NEK5: variants seen among roughly 807,000 people sequenced by gnomAD.
The protein encoded by NEK5 is serine/threonine-protein kinase Nek5.
In NEK5, 88 loss-of-function variants were observed where a neutral mutation model predicts 109.2. The ratio of observed to expected loss-of-function variants is 0.81; its 90% confidence interval spans 0.68 to 0.96. The LOEUF is 0.96. NEK5 is among the 40% of genes least tolerant of loss of function. The pLI, the probability that NEK5 is intolerant of heterozygous loss-of-function variation, is 0.00. For synonymous variants in NEK5, 283 were observed against 299.9 expected, an observed-to-expected ratio of 0.94 and a Z score of 0.58; for missense variants, 834 against 920.7, an observed-to-expected ratio of 0.91 and a Z score of 1.22.
chr13:52,085,468 T>C (rs1208867096), intron 16 of NEK5, among the ~76,000 whole-genome samples: 1 of 152,190 alleles, frequency 6.6e-6, no homozygotes, highest in East Asian at 1.9e-4. Context: ...ATTTGACTTA[T>C]ATGAATTTAT....
rs1212888348 is a variant in NEK5 at position 52,119,319 on chromosome 13, C to T, written c.214G>A (p.Glu72Lys). ...NIVAFFNSFQ[E>K]NGRLFIVMEY... ...CTTAACGAATATTAGAAAATCAAAC[C>T]TTGAAATGAATTGAAGAAGGCTACA... The change falls in exon 4 of 24, where the codon GAG becomes AAG. Residue 72 changes from glutamate (E) to lysine (K), a missense_variant and splice_region_variant. By Grantham distance (56) the Glu-to-Lys change is moderately conservative (BLOSUM62 1). Transcript: ENST00000684899. 12 of 1,543,170 alleles carry T rather than the reference C, an allele frequency of 7.8e-6. No individual in the cohort carries two copies. Among genetic ancestry groups the T allele is most frequent in the Middle Eastern group, 1.7e-4 (1 of 5,854 alleles).
intron 22 of NEK5, among the ~76,000 whole-genome samples, chr13:52,055,342 T>C (rs1202186952): frequency 9.2e-5 from 14 of 152,088 alleles, no homozygotes; most frequent in East Asian, 3.9e-4. Flanking sequence ...CTGAAAGTGA[T>C]GGGGAGAATG....
At chr13:52,069,865 C>G (rs376112981) in intron 20 of NEK5, among the ~76,000 whole-genome samples, 1 of 152,122 alleles carries the variant, frequency 6.6e-6, no homozygotes, top group South Asian at 2.1e-4. Context: ...TGGAGGAGTG[C>G]GGACCTCCCT....
intron 17 of NEK5, 33 bp from the exon 18 acceptor site, chr13:52,076,176 CTGTA>C (rs1245953509): frequency 2.5e-6 from 3 of 1,207,558 alleles, no homozygotes; most frequent in Non-Finnish European, 3.6e-6. Flanking sequence ...AATTCTCTCA[CTGTA>C]TGTTTACATG....
intron 21 of NEK5, among the ~76,000 whole-genome samples, chr13:52,063,722 G>A (rs1487670919): frequency 7.5e-5 from 10 of 132,606 alleles, no homozygotes; most frequent in East Asian, 2.1e-4. Flanking sequence ...CTGCCCGGCC[G>A]CGACCCCGTC....
intron 4 of NEK5, among the ~76,000 whole-genome samples, chr13:52,117,996 A>G (rs565598310): frequency 6.6e-6 from 1 of 152,316 alleles, no homozygotes; most frequent in Admixed American, 6.5e-5. Context: ...ATGCAACCCA[A>G]TTCCAGACCA....
At chr13:52,127,701 T>TA in intron 1 of NEK5, 39 bp from the exon 2 acceptor site, 1 of 476,446 alleles carries the variant, frequency 2.1e-6, no homozygotes. Flanking sequence ...ACACGGGTCA[T>TA]AGCTCAGCTT....
rs536534186 is a variant in NEK5 at position 52,045,200 on chromosome 13, G to GCTCACTGCAAGCTCTGCCTCCC, written c.2228+4882_2228+4903dup. Among the ~76,000 whole-genome samples the GCTCACTGCAAGCTCTGCCTCCC allele has an allele frequency of 8.2e-4, 119 of 144,920 alleles. 2 individuals are homozygous for GCTCACTGCAAGCTCTGCCTCCC. Among genetic ancestry groups the GCTCACTGCAAGCTCTGCCTCCC allele is most frequent in the Admixed American group, 7.1e-3 (101 of 14,144 alleles). On this transcript the variant is annotated intron_variant, in intron 23 of 23. Transcript: ENST00000684899. ...GCTGGAGTGCAGTGGTGTGATCTCG[G>GCTCACTGCAAGCTCTGCCTCCC]CTCACTGCAAGCTCTGCCTCCCCGG... is the stretch of plus-strand genomic sequence containing the variant.
At chr13:52,061,015 A>G (rs1954609802) in intron 22 of NEK5, among the ~76,000 whole-genome samples, 1 of 152,136 alleles carries the variant, frequency 6.6e-6, no homozygotes, top group Admixed American at 6.5e-5. Context: ...GTGAGCCATT[A>G]CACCCAGGCC....
rs1394972242 is a variant in NEK5, at chr13:52,041,792, G to C, written c.2229-4574C>G. On this transcript the variant is annotated intron_variant, in intron 23 of 23. Transcript: ENST00000684899. ...GAACAAAGAAGAGAATAAAAAATATGAAAGTACAATTAGGTACTACTGGAG... is the reference window on the plus strand; with the variant it reads ...GAACAAAGAAGAGAATAAAAAATATCAAAGTACAATTAGGTACTACTGGAG... Among the ~76,000 whole-genome samples the C allele has an allele frequency of 3.6e-5, 5 of 139,984 alleles. 1 individual carries two copies. Among genetic ancestry groups the C allele is most frequent in the South Asian group, 4.5e-4 (2 of 4,408 alleles). 91.8% of individuals were successfully genotyped at this position (139,984 alleles called of 152,430 possible).
At chr13:52,108,461 T>C (rs896871136) in intron 7 of NEK5, 57 bp from the exon 8 acceptor site, 2 of 1,084,788 alleles carry the variant, frequency 1.8e-6, no homozygotes, top group Non-Finnish European at 2.8e-6. Context: ...GTAAGAAAAG[T>C]CTTAAGACAT....
chr13:52,062,020 T>C (rs955363042), intron 21 of NEK5, 67 bp from the exon 22 acceptor site: 1 of 181,570 alleles, frequency 5.5e-6, no homozygotes. Context: ...GATCAAAGAA[T>C]GTTAAAACCT....
intron 3 of NEK5, among the ~76,000 whole-genome samples, chr13:52,122,133 A>G (rs1160143471): frequency 2.0e-5 from 3 of 152,188 alleles, no homozygotes; most frequent in Non-Finnish European, 4.4e-5. Context: ...AAGGGAGGCA[A>G]TGTAGTATCA....
chr13:52,096,032 C>T (rs1386119757), intron 12 of NEK5, among the ~76,000 whole-genome samples: 1 of 152,096 alleles, frequency 6.6e-6, no homozygotes, highest in African/African-American at 2.4e-5. Flanking sequence ...GTAGCGGCTA[C>T]CCCTTCACTC....
Position 52,102,232 on chromosome 13 carries a change from T to C in NEK5, c.670A>G (p.Ile224Val), listed in dbSNP as rs564958221. The change falls in exon 10 of 24, where the codon ATA becomes GTA. Residue 224 changes from isoleucine (I) to valine (V), a missense_variant. Ile to Val is a conservative substitution (Grantham distance 29). Around this residue, in one of 2 missense-constraint regions of NEK5, gnomAD observed 777 missense variants for 824.7 expected, o/e 0.94. Coordinates refer to ENST00000684899, the MANE Select transcript of NEK5 (RefSeq NM_001365552.1). ...LKICQAHFAPISPGFSRELHS... is the reference protein window; with the variant it reads ...LKICQAHFAPVSPGFSRELHS... ...AGCTCACGAGAAAACCCCGGAGATA[T>C]TGGGGCAAAATGTGCTTGACAAATC... 73 of 1,614,048 alleles carry C rather than the reference T, an allele frequency of 4.5e-5. 1 individual carries two copies. In the East Asian group the frequency reaches 4.9e-4, roughly 11 times the overall value.
At chr13:52,089,875 G>C (rs191660685) in intron 13 of NEK5, among the ~76,000 whole-genome samples, 1 of 151,944 alleles carries the variant, frequency 6.6e-6, no homozygotes, top group Non-Finnish European at 1.5e-5. Context: ...CAGCTACTGG[G>C]GAGGCTGAGC....
Position 52,110,528 on chromosome 13 carries a change from T to G in NEK5, c.362A>C (p.Asp121Ala). 1 of 1,612,942 alleles carries G rather than the reference T, an allele frequency of 6.2e-7. No homozygotes were observed. The highest frequency in any genetic ancestry group is 8.5e-7 in the Non-Finnish European group (1 of 1,179,078). The change falls in exon 6 of 24, where the codon GAC becomes GCC. Residue 121 changes from aspartate (D) to alanine (A), a missense_variant. Transcript: ENST00000684899. ...QISLGLKHIH[D>A]RKILHRDIKA... ...TATGTCCCTGTGTAATATCTTCCTG[T>G]CATGAATATGTTTTAGTCCTAGAGA...
chr13:52,050,899 T>A (rs1470601177), intron 22 of NEK5, among the ~76,000 whole-genome samples: 1 of 151,718 alleles, frequency 6.6e-6, no homozygotes, highest in East Asian at 1.9e-4. Flanking sequence ...TTTGTATTTT[T>A]AGTAGAGACG....
At chr13:52,072,791 T>C (rs978624836) in intron 19 of NEK5, among the ~76,000 whole-genome samples, 3 of 152,182 alleles carry the variant, frequency 2.0e-5, no homozygotes, top group African/African-American at 7.2e-5. Context: ...ATAAAGAACA[T>C]TAAATAAAAA....
Sources: allele counts gnomAD v4.1 joint callset (sites outside exome capture counted in the v4.1 genomes callset), GRCh38; gene constraint gnomAD v4.1.1; regional missense constraint gnomAD v4.1.1; transcripts MANE v1.5; gene names NCBI Gene and HGNC (gene_info 2026-07-23, HGNC 2026-07-21).